Variants in UXS1 observed in about 807,000 individuals in gnomAD.
The protein encoded by UXS1 is UDP-glucuronic acid decarboxylase 1.
In UXS1, 33 loss-of-function variants were observed where a neutral mutation model predicts 62.6. The observed-to-expected ratio is 0.53, with a 90% CI of 0.40 to 0.70. The LOEUF (loss-of-function observed/expected upper bound fraction) is 0.70. Among genes scored for constraint, UXS1 ranks in the 30% least tolerant of loss-of-function variants. The pLI is 0.00. For missense variants in UXS1, 434 were observed against 556.3 expected (o/e 0.78, Z 2.21); for synonymous variants, 213 against 206.8 (o/e 1.03, Z -0.26).
intron 4 of UXS1, among the ~76,000 whole-genome samples, chr2:106,163,245 T>C (rs1427391024): frequency 6.6e-6 from 1 of 152,232 alleles, no homozygotes; most frequent in Non-Finnish European, 1.5e-5. Context: ...AACCTCCTCA[T>C]GAACTCTGGT....
chr2:106,102,981 T>G (rs1398801323), intron 11 of UXS1: 1 of 152,210 alleles, frequency 6.6e-6, no homozygotes, highest in Non-Finnish European at 1.5e-5. Context: ...CTAAAAGGGT[T>G]AACAACCATG....
At chr2:106,162,367 G>T (rs1366250714) in intron 4 of UXS1, among the ~76,000 whole-genome samples, 1 of 152,168 alleles carries the variant, frequency 6.6e-6, no homozygotes, top group African/African-American at 2.4e-5. Flanking sequence ...ATTCTCACAT[G>T]TTGAGAGCTC....
At chr2:106,118,129 G>A (rs528818896) in intron 9 of UXS1, among the ~76,000 whole-genome samples, 19 of 152,304 alleles carry the variant, frequency 1.2e-4, no homozygotes, top group African/African-American at 4.6e-4. Flanking sequence ...GGGCCAGGAA[G>A]CCAAGCTGCT....
At chr2:106,122,693 T>A (rs1679617396) in intron 9 of UXS1, among the ~76,000 whole-genome samples, 1 of 152,228 alleles carries the variant, frequency 6.6e-6, no homozygotes, top group Admixed American at 6.5e-5. Flanking sequence ...TCTTAGCTGC[T>A]GGTGAGCAAC....
At chr2:106,100,787 C>A in intron 12 of UXS1, 1 of 430,814 alleles carries the variant, frequency 2.3e-6, no homozygotes, top group Middle Eastern at 5.9e-4. Context: ...CCACCTACTA[C>A]CACCAAAAGG....
intron 11 of UXS1, among the ~76,000 whole-genome samples, 196 bp downstream of exon 11, chr2:106,104,598 G>A (rs979691426): frequency 6.6e-6 from 1 of 152,226 alleles, no homozygotes; most frequent in East Asian, 1.9e-4. Flanking sequence ...GATAGTCATG[G>A]AGATGAATGC....
chr2:106,171,178 T>A (rs1683532692), intron 1 of UXS1, among the ~76,000 whole-genome samples: 1 of 152,228 alleles, frequency 6.6e-6, no homozygotes. Flanking sequence ...GGGAACCCAG[T>A]TCAAGAAAAT....
chr2:106,166,150 A>G, intron 1 of UXS1, 67 bp from the exon 2 acceptor site: 1 of 1,463,470 alleles, frequency 6.8e-7, no homozygotes, highest in Non-Finnish European at 9.4e-7. Flanking sequence ...CAATGGATGG[A>G]ATCTTAAATT....
At position 106,166,046 on chromosome 2, in the gene UXS1, A is replaced by G; in HGVS notation, c.122+10T>C. ...CCAACCACAGTACCCAAGTAATTAA[A>G]AACAATTACCTCATATTAACGAAGT... On this transcript the variant is annotated intron_variant, in intron 2 of 14. Transcript: ENST00000283148. 2 of 1,610,566 alleles carry G rather than the reference A, an allele frequency of 1.2e-6. No individual in the cohort carries two copies. The highest frequency in any genetic ancestry group is 1.7e-6 in the Non-Finnish European group (2 of 1,178,544).
chr2:106,110,361 G>A (rs1678487153), intron 10 of UXS1, among the ~76,000 whole-genome samples: 1 of 152,186 alleles, frequency 6.6e-6, no homozygotes, highest in Admixed American at 6.5e-5. Flanking sequence ...TCTTGGGGAG[G>A]CTAGGGGACA....
chr2:106,125,479 G>A, intron 8 of UXS1, 141 bp downstream of exon 8: 2 of 692,404 alleles, frequency 2.9e-6, no homozygotes, highest in Non-Finnish European at 2.1e-6. Flanking sequence ...CGACCCGGGA[G>A]GCCGACAGGT....
chr2:106,096,910 T>C (rs1259268309), intron 13 of UXS1, 89 bp from the exon 14 acceptor site: 13 of 1,282,074 alleles, frequency 1.0e-5, no homozygotes, highest in South Asian at 8.9e-5. Flanking sequence ...GCAAACCCCA[T>C]ATGTGGTGTG....
chr2:106,168,351 C>G (rs1683339134), intron 1 of UXS1, among the ~76,000 whole-genome samples: 1 of 152,184 alleles, frequency 6.6e-6, no homozygotes, highest in Non-Finnish European at 1.5e-5. Context: ...CCTATATGGT[C>G]TAAAAAGAGG....
chr2:106,128,209 G>GGGCAT (rs1254182600), intron 7 of UXS1, among the ~76,000 whole-genome samples: 2 of 152,146 alleles, frequency 1.3e-5, no homozygotes, highest in African/African-American at 4.8e-5. Flanking sequence ...GGCAAGAAGA[G>GGGCAT]GGCATCACGC....
In UXS1 at chr2:106,194,248, G is replaced by C. The variant is rs1190099101; in HGVS notation, c.-7C>G. ...GCAGCGCCTTGCTCACCATCCCCGG[G>C]AGCCGCGCGGGTCCAGGGCCCTACC... On this transcript the variant is annotated 5_prime_UTR_variant, in exon 1 of 15. Transcript: ENST00000283148. The C allele has an allele frequency of 1.2e-5, 17 of 1,427,448 alleles. No homozygotes were observed. The highest frequency in any genetic ancestry group is 1.6e-5 in the Non-Finnish European group (17 of 1,083,644). 88.4% of individuals were successfully genotyped at this position (1,427,448 alleles called of 1,614,324 possible).
intron 5 of UXS1, among the ~76,000 whole-genome samples, 198 bp downstream of exon 5, chr2:106,157,860 C>T (rs751236154): frequency 6.6e-6 from 1 of 152,196 alleles, no homozygotes; most frequent in Non-Finnish European, 1.5e-5. Context: ...ATGGAAGTGA[C>T]TACTAATGAG....
chr2:106,093,618 T>C lies in UXS1; in HGVS notation c.*408A>G, dbSNP rs946545125. 5 of 157,314 alleles carry C rather than the reference T, an allele frequency of 3.2e-5. No individual in the cohort carries two copies. Among genetic ancestry groups the C allele is most frequent in the Non-Finnish European group, 5.6e-5 (4 of 71,410 alleles). The allele number at this position is 157,314 out of a possible 1,614,324, so 9.7% of individuals were successfully genotyped here. A position where few individuals can be genotyped will look rare whatever the true frequency, so the allele number is the denominator to read the frequency against. On this transcript the variant is annotated 3_prime_UTR_variant, in exon 15 of 15. Coordinates refer to ENST00000283148, the MANE Select transcript of UXS1 (RefSeq NM_001253875.2). ...TACTGCTAGGATTTTTCTTTATGCA[T>C]AGTATAACGACTCATTTATTAAGTA...
Position 106,101,106 on chromosome 2 carries a change from A to G in UXS1, c.936T>C (p.Asn312=), listed in dbSNP as rs745819412. 1 of 1,613,914 alleles carries G rather than the reference A, an allele frequency of 6.2e-7. No homozygotes were observed. Among genetic ancestry groups the G allele is most frequent in the South Asian group, 1.1e-5 (1 of 91,070 alleles). The stretch of plus-strand genomic sequence containing the variant: ...TGCTGTTCATGAGAGCCACGAGGCC[A>G]TTCACTAGATCGCTGGAAAAAAAGG... ...RAFQYVSDLV[N]GLVALMNSNV... Residue 312 remains asparagine, a synonymous_variant, in exon 12 of 15, where the codon AAT becomes AAC. Coordinates refer to ENST00000283148, the MANE Select transcript of UXS1 (RefSeq NM_001253875.2).
intron 1 of UXS1, among the ~76,000 whole-genome samples, chr2:106,167,569 A>G (rs2105068438): frequency 6.6e-6 from 1 of 152,330 alleles, no homozygotes; most frequent in African/African-American, 2.4e-5. Context: ...CTAATTCCAT[A>G]GAAGCACATC....
Sources: gnomAD v4.1 joint callset for allele counts (sites outside exome capture counted in the v4.1 genomes callset) on GRCh38, gnomAD v4.1.1 for gene constraint, MANE v1.5 for transcripts, NCBI Gene and HGNC (gene_info 2026-07-23, HGNC 2026-07-21) for gene names.